The following AKAP7 variants were observed in gnomAD, a reference collection of about 807,000 sequenced individuals.
The protein encoded by AKAP7 is A-kinase anchoring protein 7, also known as A kinase (PRKA) anchor protein 7.
AKAP7 carries 39 observed loss-of-function variants against 39.5 expected under a neutral mutation model. The observed-to-expected ratio is 0.99, with a 90% confidence interval of 0.76 to 1.29. The LOEUF is 1.29. AKAP7 is among the 50% of genes most tolerant of loss of function. AKAP7 has a pLI of 0.00. For synonymous variants in AKAP7, 140 were observed against 139.1 expected, an observed-to-expected ratio of 1.01 and a Z score of -0.05; for missense variants, 414 against 407.7, an observed-to-expected ratio of 1.02 and a Z score of -0.13.
intron 5 of AKAP7, among the ~76,000 whole-genome samples, chr6:131,193,103 A>G (rs1806576384): frequency 6.6e-6 from 1 of 151,956 alleles, no homozygotes; most frequent in South Asian, 2.1e-4. Context: ...TCTAGCTAGG[A>G]CTTCTATTGT....
Position 131,255,579 on chromosome 6 carries a change from C to T in AKAP7, c.851-25951C>T, listed in dbSNP as rs558128485. Reference sequence around the variant, plus strand: ...CAGCATAACTCCAGTTCTGCCACTGCCTGTTAAAAACATATGGCCCATTGC... The same window carrying T: ...CAGCATAACTCCAGTTCTGCCACTGTCTGTTAAAAACATATGGCCCATTGC... On this transcript the variant is annotated intron_variant, in intron 7 of 7. Coordinates refer to ENST00000431975, the MANE Select transcript of AKAP7 (RefSeq NM_016377.4). Among the ~76,000 whole-genome samples the T allele has an allele frequency of 3.9e-5, 6 of 152,300 alleles. No homozygotes were observed. The South Asian group carries it at 1.2e-3, about 32-fold the overall frequency.
At chr6:131,175,936 G>T (rs145841708) in intron 5 of AKAP7, among the ~76,000 whole-genome samples, 80 of 152,214 alleles carry the variant, frequency 5.3e-4, no homozygotes, top group African/African-American at 1.9e-3. Flanking sequence ...AGGTTTACAT[G>T]TTTATTTGGG....
At chr6:131,250,994 G>A (rs558548667) in intron 7 of AKAP7, among the ~76,000 whole-genome samples, 6 of 152,210 alleles carry the variant, frequency 3.9e-5, no homozygotes, top group African/African-American at 1.2e-4. Context: ...TCTGAAACTG[G>A]CATATTTTCA....
chr6:131,176,069 T>G (rs1263026870), intron 5 of AKAP7, among the ~76,000 whole-genome samples: 5 of 152,206 alleles, frequency 3.3e-5, no homozygotes, highest in Non-Finnish European at 7.3e-5. Flanking sequence ...ATAGGATGGG[T>G]GAGAAAAAGA....
intron 7 of AKAP7, among the ~76,000 whole-genome samples, chr6:131,232,644 C>T (rs996568665): frequency 3.9e-5 from 6 of 151,980 alleles, no homozygotes; most frequent in African/African-American, 1.4e-4. Context: ...CCTGTCTCTA[C>T]TAAAAATACG....
chr6:131,216,370 T>C (rs138444517), intron 6 of AKAP7, among the ~76,000 whole-genome samples: 143 of 152,330 alleles, frequency 9.4e-4, no homozygotes, highest in Non-Finnish European at 1.7e-3. Context: ...GTAAATGATA[T>C]GGTGAGTGCC....
At chr6:131,237,681 G>T (rs1811186257) in intron 7 of AKAP7, among the ~76,000 whole-genome samples, 1 of 152,160 alleles carries the variant, frequency 6.6e-6, no homozygotes, top group Admixed American at 6.5e-5. Flanking sequence ...AGATTTTCTA[G>T]TTTATTTGCC....
intron 7 of AKAP7, chr6:131,250,552 A>G (rs763363856): frequency 6.2e-6 from 10 of 1,613,874 alleles, no homozygotes; most frequent in Non-Finnish European, 8.5e-6. Flanking sequence ...CAGGAAAGAC[A>G]GACAGGACCA....
At position 131,135,785 on chromosome 6, in the gene AKAP7, G is replaced by A; in HGVS notation, c.19+3G>A. The A allele has an allele frequency of 3.3e-6, 4 of 1,228,610 alleles. No individual in the cohort carries two copies. Among genetic ancestry groups the A allele is most frequent in the Non-Finnish European group, 4.1e-6 (4 of 986,212 alleles). 76.1% of individuals were successfully genotyped at this position (1,228,610 alleles called of 1,614,324 possible). On this transcript the variant is annotated splice_donor_region_variant and intron_variant, in intron 1 of 7. Transcript: ENST00000431975. ...GACCATGGAGCGCCCCGAAGCGGGT[G>A]AGACCGGGCTGTCCAGCGGGCCGGG...
intron 2 of AKAP7, among the ~76,000 whole-genome samples, chr6:131,153,564 T>A (rs1031494407): frequency 6.6e-6 from 1 of 152,034 alleles, no homozygotes; most frequent in East Asian, 1.9e-4. Flanking sequence ...ATTTATAGGA[T>A]GTTTGAAATG....
intron 5 of AKAP7, among the ~76,000 whole-genome samples, chr6:131,195,994 T>C (rs1806887508): frequency 6.6e-6 from 1 of 152,182 alleles, no homozygotes; most frequent in Admixed American, 6.5e-5. Context: ...TTTCTCCAGG[T>C]TTGGGAAATT....
chr6:131,140,814 T>A (rs1020178291), intron 1 of AKAP7, among the ~76,000 whole-genome samples: 1 of 152,360 alleles, frequency 6.6e-6, no homozygotes, highest in Admixed American at 6.5e-5. Flanking sequence ...AGGTACAGGA[T>A]GTGTATTCAT....
intron 2 of AKAP7, among the ~76,000 whole-genome samples, chr6:131,158,367 T>C (rs1802610873): frequency 6.6e-6 from 1 of 152,220 alleles, no homozygotes; most frequent in African/African-American, 2.4e-5. Flanking sequence ...CTGTGGTCTA[T>C]TAGAGGTGAT....
At chr6:131,183,188 C>T (rs1805451561) in intron 5 of AKAP7, among the ~76,000 whole-genome samples, 1 of 152,198 alleles carries the variant, frequency 6.6e-6, no homozygotes, top group African/African-American at 2.4e-5. Flanking sequence ...GAGTTAGGGC[C>T]TGCCTGCGGC....
chr6:131,249,934 G>C (rs1490033513), intron 7 of AKAP7, among the ~76,000 whole-genome samples: 2 of 151,254 alleles, frequency 1.3e-5, no homozygotes, highest in Non-Finnish European at 3.0e-5. Context: ...GTACCGTACA[G>C]ATAACAGTCG....
In AKAP7 at chr6:131,165,061, A is replaced by G. The variant is rs1395257535; in HGVS notation, c.292-20A>G. On this transcript the variant is annotated intron_variant, in intron 3 of 7. Coordinates refer to ENST00000431975, the MANE Select transcript of AKAP7 (RefSeq NM_016377.4). Reference sequence around the variant, plus strand: ...ACCTAATCACTGGAATTTTTTTTATATGTGTGTATGTGTTATTAGATTATA... The same window carrying G: ...ACCTAATCACTGGAATTTTTTTTATGTGTGTGTATGTGTTATTAGATTATA... 3 of 1,517,304 alleles carry G rather than the reference A, an allele frequency of 2.0e-6. No individual in the cohort carries two copies. Among genetic ancestry groups the G allele is most frequent in the Non-Finnish European group, 1.8e-6 (2 of 1,135,560 alleles). 94.0% of individuals were successfully genotyped at this position (1,517,304 alleles called of 1,614,324 possible). A position where few individuals can be genotyped will look rare whatever the true frequency, so the allele number is the denominator to read the frequency against.
intron 7 of AKAP7, among the ~76,000 whole-genome samples, chr6:131,272,552 TTTTAA>T (rs2128335743): frequency 6.6e-6 from 1 of 152,324 alleles, no homozygotes; most frequent in African/African-American, 2.4e-5. Flanking sequence ...ATATGTTTTG[TTTTAA>T]TTTACGTTCA....
At chr6:131,252,937 G>A (rs1812552312) in intron 7 of AKAP7, 1 of 1,134,562 alleles carries the variant, frequency 8.8e-7, no homozygotes, top group Non-Finnish European at 1.3e-6. Flanking sequence ...AACAGGCGGT[G>A]GCCCTAGAAT....
chr6:131,128,280 C>T, the AKAP7 span, among the ~76,000 whole-genome samples: 39,469 of 151,590 alleles, frequency 0.26, 6,525 homozygotes, highest in East Asian at 0.88. Context: ...CAAGTGGTTA[C>T]GAAACACATG....
Sources: gnomAD v4.1 joint callset for allele counts (sites outside exome capture counted in the v4.1 genomes callset) on GRCh38, gnomAD v4.1.1 for gene constraint, MANE v1.5 for transcripts, NCBI Gene and HGNC (gene_info 2026-07-23, HGNC 2026-07-21) for gene names.